The following RIMS2 variants were observed in gnomAD, a reference collection of about 807,000 sequenced individuals.
The protein encoded by RIMS2 is regulating synaptic membrane exocytosis 2.
In RIMS2, 59 loss-of-function variants were observed where a neutral mutation model predicts 174.4. The observed-to-expected ratio is 0.34, with a 90% CI of 0.27 to 0.42. RIMS2 has a LOEUF of 0.42. Ranked by LOEUF, RIMS2 falls within the 10% of genes least tolerant of loss-of-function variation. The pLI is 1.00. For missense variants in RIMS2, 1,620 were observed against 1,666.3 expected, an observed-to-expected ratio of 0.97 and a Z score of 0.48; for synonymous variants, 606 against 572.5, an observed-to-expected ratio of 1.06 and a Z score of -0.84.
chr8:103,636,885 A>AATG lies in RIMS2; in HGVS notation c.177-60200_177-60198dup, dbSNP rs1452004797. 2.9e-4 allele frequency among the ~76,000 whole-genome samples: 43 copies of AATG among 147,130 alleles called. No individual in the cohort carries two copies. In the Admixed American group the frequency reaches 3.0e-3, roughly 10 times the overall value. Reference sequence around the variant, plus strand: ...AGTGTGCTCTTTAAAGAACAAAAGGAATGTTTGGCTCACATAAGGAAAGTT... The same window carrying AATG: ...AGTGTGCTCTTTAAAGAACAAAAGGAATGATGTTTGGCTCACATAAGGAAAGTT... On this transcript the variant is annotated intron_variant, in intron 1 of 23. Coordinates refer to ENST00000504942, the Ensembl canonical transcript of RIMS2.
intron 1 of RIMS2, among the ~76,000 whole-genome samples, chr8:103,670,456 T>G (rs12335323): frequency 0.18 from 26,778 of 152,222 alleles, 2,567 homozygotes; most frequent in African/African-American, 0.23. Flanking sequence ...AAAATGGGTT[T>G]TTCTTTTCAG....
chr8:104,052,487 A>G (rs1185271663), intron 19 of RIMS2, among the ~76,000 whole-genome samples: 1 of 152,170 alleles, frequency 6.6e-6, no homozygotes, highest in Non-Finnish European at 1.5e-5. Flanking sequence ...GGGTTTAGCT[A>G]GAAATCAAAG....
At position 103,699,613 on chromosome 8, in the gene RIMS2, T is replaced by C. The variant is rs141382416; in HGVS notation, c.387+2317T>C. 7.2e-5 allele frequency among the ~76,000 whole-genome samples: 11 copies of C among 152,236 alleles called. No individual in the cohort carries two copies. In the East Asian group the frequency reaches 2.1e-3, roughly 29 times the overall value. On this transcript the variant is annotated intron_variant, in intron 2 of 23. Coordinates refer to ENST00000504942, the Ensembl canonical transcript of RIMS2. The stretch of plus-strand genomic sequence containing the variant: ...CTTTTTTCGTTTCTTTTCTTGTCTT[T>C]TCTTTTTCTGCTTACTTTGGGTTTA...
rs527938405 is a variant in RIMS2, at chr8:104,025,288, T to G, written c.3334+10673T>G. Among the ~76,000 whole-genome samples, 5 of 152,226 alleles carry G rather than the reference T, an allele frequency of 3.3e-5. 1 individual carries two copies. The South Asian group carries it at 1.0e-3, about 32-fold the overall frequency. ...TGAGGAAAGGAGTTTGAGACCAGCCTGGACAACCTAATAAGACCCTGCCTC... is the reference window on the plus strand; with the variant it reads ...TGAGGAAAGGAGTTTGAGACCAGCCGGGACAACCTAATAAGACCCTGCCTC... On this transcript the variant is annotated intron_variant, in intron 19 of 23. Coordinates refer to ENST00000504942, the Ensembl canonical transcript of RIMS2.
At chr8:103,944,929 G>T (rs2083373013) in intron 14 of RIMS2, among the ~76,000 whole-genome samples, 1 of 151,930 alleles carries the variant, frequency 6.6e-6, no homozygotes, top group Non-Finnish European at 1.5e-5. Context: ...ATTACCTTTG[G>T]CTAATTAGGC....
intron 3 of RIMS2, among the ~76,000 whole-genome samples, chr8:103,797,033 A>G (rs374371039): frequency 1.1e-4 from 17 of 152,178 alleles, no homozygotes; most frequent in African/African-American, 3.9e-4. Flanking sequence ...TAGGGAAGGC[A>G]TTGCTTAAGA....
intron 10 of RIMS2, among the ~76,000 whole-genome samples, chr8:103,924,571 G>A (rs1490307024): frequency 6.6e-6 from 1 of 151,298 alleles, no homozygotes; most frequent in Non-Finnish European, 1.5e-5. Context: ...TCTACCTTTG[G>A]ACATTTTTGC....
At chr8:104,156,729 G>A (rs1600186600) in intron 19 of RIMS2, among the ~76,000 whole-genome samples, 1 of 152,268 alleles carries the variant, frequency 6.6e-6, no homozygotes, top group South Asian at 2.1e-4. Flanking sequence ...GACCTAGTAT[G>A]TAACAGTGCT....
At chr8:104,182,508 T>A (rs1171241846) in intron 19 of RIMS2, among the ~76,000 whole-genome samples, 1 of 151,754 alleles carries the variant, frequency 6.6e-6, no homozygotes, top group East Asian at 1.9e-4. Flanking sequence ...CCGCATACCC[T>A]TTAGCTATTC....
At chr8:103,574,664 C>T (rs78011912) in intron 1 of RIMS2, among the ~76,000 whole-genome samples, 362 of 152,228 alleles carry the variant, frequency 2.4e-3, no homozygotes, top group Non-Finnish European at 4.0e-3. Flanking sequence ...GGACTCCCTG[C>T]GTTGTTTCAG....
intron 1 of RIMS2, among the ~76,000 whole-genome samples, chr8:103,593,401 C>G (rs1008177575): frequency 3.3e-5 from 5 of 151,534 alleles, no homozygotes; most frequent in African/African-American, 1.2e-4. Flanking sequence ...TTTAATGTAA[C>G]AGAGTACAGA....
At chr8:103,581,900 G>A (rs79348688) in intron 1 of RIMS2, among the ~76,000 whole-genome samples, 9,933 of 152,218 alleles carry the variant, frequency 0.065, 401 homozygotes, top group South Asian at 0.087. Flanking sequence ...ACTAGGCCGA[G>A]AGACAGTGAA....
intron 1 of RIMS2, among the ~76,000 whole-genome samples, chr8:103,579,846 A>T (rs2093496699): frequency 6.6e-6 from 1 of 152,330 alleles, no homozygotes. Context: ...CAGGAAACTT[A>T]TAATCATGGT....
At chr8:103,514,768 T>TG (rs1276907135) in intron 1 of RIMS2, among the ~76,000 whole-genome samples, 7 of 152,022 alleles carry the variant, frequency 4.6e-5, no homozygotes, top group Non-Finnish European at 7.4e-5. Context: ...TTTTCTGGCA[T>TG]GTGCCTGTAA....
intron 1 of RIMS2, among the ~76,000 whole-genome samples, chr8:103,505,148 G>C (rs1822823455): frequency 6.6e-6 from 1 of 151,964 alleles, no homozygotes; most frequent in Non-Finnish European, 1.5e-5. Flanking sequence ...GCAACCCGCA[G>C]CCCCCAAATT....
rs557424349 is a variant in RIMS2 at position 103,719,416 on chromosome 8, A to C, written c.387+22120A>C. 1.6e-4 allele frequency among the ~76,000 whole-genome samples: 24 copies of C among 152,330 alleles called. No individual in the cohort carries two copies. The South Asian group carries it at 2.7e-3, about 17-fold the overall frequency. Reference sequence around the variant, plus strand: ...GAAGCCATACAAACATCTAGAGTTGATTTTCTTCAGAAATGCAGAAGTGCA... The same window carrying C: ...GAAGCCATACAAACATCTAGAGTTGCTTTTCTTCAGAAATGCAGAAGTGCA... On this transcript the variant is annotated intron_variant, in intron 2 of 23. Coordinates refer to ENST00000504942, the Ensembl canonical transcript of RIMS2.
At chr8:104,214,698 T>C (rs2099121956) in intron 19 of RIMS2, among the ~76,000 whole-genome samples, 2 of 152,214 alleles carry the variant, frequency 1.3e-5, no homozygotes, top group Admixed American at 1.3e-4. Context: ...TCTGCCCATC[T>C]TGGCCTCCCA....
At chr8:103,792,388 A>G (rs189572049) in intron 3 of RIMS2, among the ~76,000 whole-genome samples, 1 of 152,314 alleles carries the variant, frequency 6.6e-6, no homozygotes, top group African/African-American at 2.4e-5. Flanking sequence ...ACAAAGAAAC[A>G]ATGTACCAGA....
At chr8:103,655,955 A>G (rs2096526447) in intron 1 of RIMS2, among the ~76,000 whole-genome samples, 1 of 152,152 alleles carries the variant, frequency 6.6e-6, no homozygotes, top group South Asian at 2.1e-4. Context: ...TGACTGCTCT[A>G]TAAGTAGCAT....
Sources: allele counts gnomAD v4.1 joint callset (sites outside exome capture counted in the v4.1 genomes callset), GRCh38; gene constraint gnomAD v4.1.1; transcripts MANE v1.5; gene names NCBI Gene and HGNC (gene_info 2026-07-23, HGNC 2026-07-21).